Variants in IFT43 observed in about 807,000 individuals in gnomAD.
IFT43 encodes the protein intraflagellar transport 43.
Under a neutral mutation model 32.3 loss-of-function variants are expected in IFT43, and 33 were observed. The ratio of observed to expected loss-of-function variants is 1.02; its 90% confidence interval spans 0.77 to 1.37. The LOEUF (loss-of-function observed/expected upper bound fraction) is 1.37, where lower values mean the gene tolerates loss of function less well. IFT43 is among the 40% of genes most tolerant of loss of function. The pLI is 0.00. For synonymous variants in IFT43, 93 were observed against 98.2 expected, an observed-to-expected ratio of 0.95 and a Z score of 0.31; for missense variants, 274 against 265.9, an observed-to-expected ratio of 1.03 and a Z score of -0.21.
intron 3 of IFT43, among the ~76,000 whole-genome samples, chr14:76,023,513 G>C (rs1304327950): frequency 6.6e-6 from 1 of 152,244 alleles, no homozygotes; most frequent in African/African-American, 2.4e-5. Flanking sequence ...GGATCATTGT[G>C]AGGATTAAAT....
intron 5 of IFT43, among the ~76,000 whole-genome samples, chr14:76,060,336 G>A (rs1307154777): frequency 6.6e-6 from 1 of 152,030 alleles, no homozygotes; most frequent in African/African-American, 2.4e-5. Context: ...TCCTGCCTCA[G>A]CCTCCCGAGT....
rs192699794 is a variant in IFT43, at chr14:76,027,640, T to C, written c.215+5246T>C. Reference sequence around the variant, plus strand: ...AGGAGAATGGTGTGAACCCGGGAAGTGGAGCTTGCAGTGAGCCGAGATTGT... The same window carrying C: ...AGGAGAATGGTGTGAACCCGGGAAGCGGAGCTTGCAGTGAGCCGAGATTGT... On this transcript the variant is annotated intron_variant, in intron 3 of 8. Transcript: ENST00000314067. Among the ~76,000 whole-genome samples, 256 of 145,892 alleles carry C rather than the reference T, an allele frequency of 1.8e-3. 1 individual carries two copies. The highest frequency in any genetic ancestry group is 7.2e-3 in the Middle Eastern group (2 of 276).
intron 2 of IFT43, among the ~76,000 whole-genome samples, chr14:75,998,247 T>C (rs560291705): frequency 1.3e-5 from 2 of 152,302 alleles, no homozygotes; most frequent in South Asian, 2.1e-4. Flanking sequence ...TCAGTAAGTG[T>C]TGGTTAAATG....
At chr14:76,077,443 G>A (rs907239348) in intron 5 of IFT43, among the ~76,000 whole-genome samples, 1 of 152,170 alleles carries the variant, frequency 6.6e-6, no homozygotes, top group African/African-American at 2.4e-5. Context: ...AGGAGCATCT[G>A]TTGAATGCAG....
At chr14:76,055,845 A>G (rs1594850661) in intron 3 of IFT43, among the ~76,000 whole-genome samples, 1 of 152,326 alleles carries the variant, frequency 6.6e-6, no homozygotes, top group East Asian at 1.9e-4. Flanking sequence ...GATAGCTGCA[A>G]GACATACTTT....
intron 3 of IFT43, among the ~76,000 whole-genome samples, chr14:76,041,320 T>C (rs1336799330): frequency 6.6e-6 from 1 of 152,164 alleles, no homozygotes; most frequent in Non-Finnish European, 1.5e-5. Flanking sequence ...AAGAAATGAG[T>C]GGCCCATGGA....
chr14:75,989,807 A>C (rs2035602252), intron 2 of IFT43, among the ~76,000 whole-genome samples: 1 of 152,224 alleles, frequency 6.6e-6, no homozygotes, highest in East Asian at 1.9e-4. Flanking sequence ...ACAGATGAAG[A>C]GACCCATGCT....
intron 3 of IFT43, among the ~76,000 whole-genome samples, chr14:76,053,467 C>T (rs879427544): frequency 6.6e-6 from 1 of 152,138 alleles, no homozygotes; most frequent in Non-Finnish European, 1.5e-5. Flanking sequence ...ATGCAAGTCA[C>T]GACAGCAAGA....
intron 3 of IFT43, among the ~76,000 whole-genome samples, chr14:76,031,528 C>T (rs973570189): frequency 4.6e-5 from 7 of 152,166 alleles, no homozygotes; most frequent in Admixed American, 2.6e-4. Flanking sequence ...GTCTCATCTA[C>T]TAATGTGAAT....
Position 75,985,785 on chromosome 14 carries a change from AGATGGAGGATTT to A in IFT43, c.1_12del (p.MetGluAspLeu1_?4), listed in dbSNP as rs2035506009. On this transcript the variant is annotated start_lost and 5_prime_UTR_variant, in exon 1 of 9. Coordinates refer to ENST00000314067, the MANE Select transcript of IFT43 (RefSeq NM_001102564.3). ...AGGAAGTGACGTCAGGCGGCCGCGG[AGATGGAGGATTT>A]GCTCGACTTGGACGAGGAGCTTCGC... is the stretch of plus-strand genomic sequence containing the variant. 6.2e-7 allele frequency: 1 copy of A among 1,613,924 alleles called. No homozygotes were observed. Among genetic ancestry groups the A allele is most frequent in the African/African-American group, 1.3e-5 (1 of 74,880 alleles).
intron 2 of IFT43, among the ~76,000 whole-genome samples, chr14:75,993,553 C>A (rs925809965): frequency 6.6e-6 from 1 of 152,208 alleles, no homozygotes; most frequent in Non-Finnish European, 1.5e-5. Flanking sequence ...AAGTGGCCTC[C>A]TCTATCTATC....
intron 2 of IFT43, among the ~76,000 whole-genome samples, chr14:76,011,895 A>G (rs536419968): frequency 9.9e-5 from 15 of 152,270 alleles, no homozygotes; most frequent in Non-Finnish European, 1.5e-4. Flanking sequence ...CCAGCCCTGA[A>G]GCGTATGCAC....
intron 2 of IFT43, among the ~76,000 whole-genome samples, chr14:76,003,088 A>G (rs181590897): frequency 1.6e-3 from 245 of 152,360 alleles, no homozygotes; most frequent in Non-Finnish European, 3.0e-3. Flanking sequence ...TTAAATAATG[A>G]TACTTTACAG....
intron 3 of IFT43, among the ~76,000 whole-genome samples, chr14:76,050,054 C>A (rs2036884767): frequency 6.6e-6 from 1 of 152,142 alleles, no homozygotes; most frequent in Admixed American, 6.5e-5. Flanking sequence ...CACCTCAGCC[C>A]CTGCATGCCT....
chr14:76,012,218 C>A (rs2036098563), intron 2 of IFT43, among the ~76,000 whole-genome samples: 1 of 152,126 alleles, frequency 6.6e-6, no homozygotes, highest in African/African-American at 2.4e-5. Flanking sequence ...GGAGTTTCTC[C>A]AGGACTTCTG....
intron 7 of IFT43, among the ~76,000 whole-genome samples, chr14:76,083,001 A>G (rs2037540748): frequency 6.6e-6 from 1 of 152,032 alleles, no homozygotes. Context: ...TCCTCCTGGT[A>G]TGGTCCTTTG....
At chr14:76,029,838 TTTTTTA>T (rs1385613044) in intron 3 of IFT43, among the ~76,000 whole-genome samples, 1 of 146,582 alleles carries the variant, frequency 6.8e-6, no homozygotes, top group Non-Finnish European at 1.5e-5. Context: ...TTTTTGTACT[TTTTTTA>T]TTTTTATTTT....
chr14:75,988,583 A>G (rs942375977), intron 1 of IFT43, among the ~76,000 whole-genome samples: 1 of 151,950 alleles, frequency 6.6e-6, no homozygotes, highest in African/African-American at 2.4e-5. Flanking sequence ...CAGTGGCACA[A>G]TTTCGGCTCA....
At chr14:76,016,184 G>T (rs1299595329) in intron 2 of IFT43, among the ~76,000 whole-genome samples, 1 of 152,054 alleles carries the variant, frequency 6.6e-6, no homozygotes, top group Non-Finnish European at 1.5e-5. Context: ...TTTTTATACT[G>T]TCAGGTCTTA....
Sources: allele counts gnomAD v4.1 joint callset (sites outside exome capture counted in the v4.1 genomes callset), GRCh38; gene constraint gnomAD v4.1.1; transcripts MANE v1.5; gene names NCBI Gene and HGNC (gene_info 2026-07-23, HGNC 2026-07-21).